The following IFT80 variants were observed in gnomAD, a reference collection of about 807,000 sequenced individuals.
IFT80 encodes the protein intraflagellar transport 80, also known as intraflagellar transport protein 80 homolog.
Under a neutral mutation model 107.9 loss-of-function variants are expected in IFT80, and 79 were observed. The observed-to-expected ratio is 0.73, with a 90% CI of 0.61 to 0.88. The LOEUF (loss-of-function observed/expected upper bound fraction) is 0.88, where lower values mean the gene tolerates loss of function less well. Among genes scored for constraint, IFT80 ranks in the 40% least tolerant of loss-of-function variants. IFT80 has a pLI of 0.00. For missense variants in IFT80, 797 were observed against 914.2 expected, an observed-to-expected ratio of 0.87 and a Z score of 1.65; for synonymous variants, 299 against 300.9, an observed-to-expected ratio of 0.99 and a Z score of 0.07.
At chr3:160,269,125 A>G (rs923505962) in intron 18 of IFT80, among the ~76,000 whole-genome samples, 2 of 151,430 alleles carry the variant, frequency 1.3e-5, no homozygotes, top group Admixed American at 6.6e-5. Flanking sequence ...ACTACTCGGG[A>G]GGCTGAGGCG....
intron 6 of IFT80, 38 bp downstream of exon 6, chr3:160,366,004 GC>G: frequency 6.7e-7 from 1 of 1,497,982 alleles, no homozygotes. Context: ...TAGCAGTCAG[GC>G]AGACCCTGAT....
chr3:160,303,045 T>G (rs1716557089), intron 11 of IFT80, among the ~76,000 whole-genome samples: 1 of 152,142 alleles, frequency 6.6e-6, no homozygotes, highest in Non-Finnish European at 1.5e-5. Flanking sequence ...ACCAGTACCA[T>G]TCTTCTTCTG....
intron 12 of IFT80, among the ~76,000 whole-genome samples, chr3:160,293,195 T>A (rs1030768503): frequency 6.6e-6 from 1 of 152,174 alleles, no homozygotes; most frequent in Non-Finnish European, 1.5e-5. Flanking sequence ...AGCTGATACA[T>A]GAAAAGATGA....
chr3:160,338,503 G>A (rs890995890), intron 8 of IFT80, among the ~76,000 whole-genome samples: 2 of 152,094 alleles, frequency 1.3e-5, no homozygotes, highest in African/African-American at 4.8e-5. Context: ...TTGGTGGTAT[G>A]TGCCTGTATT....
chr3:160,319,809 C>A lies in IFT80; in HGVS notation c.908G>T (p.Trp303Leu). The A allele has an allele frequency of 6.2e-7, 1 of 1,613,022 alleles. No homozygotes were observed. Among genetic ancestry groups the A allele is most frequent in the Non-Finnish European group, 8.5e-7 (1 of 1,179,260 alleles). The change falls in exon 9 of 20, where the codon TGG becomes TTG. Residue 303 changes from tryptophan to leucine, a missense_variant. Transcript: ENST00000326448. ...TGTTACTTGAAAATTTTTCCACTCC[C>A]AATGTTGTTCCACCACATGTGCAAA... ...VVFAHVVEQH[W>L]EWKNFQVTLT...
At chr3:160,282,986 A>T (rs1714805068) in intron 13 of IFT80, among the ~76,000 whole-genome samples, 1 of 152,224 alleles carries the variant, frequency 6.6e-6, no homozygotes, top group Non-Finnish European at 1.5e-5. Flanking sequence ...GTTGCCTAAC[A>T]ACTATATCTT....
Position 160,375,802 on chromosome 3 carries a change from T to A in IFT80, c.439+10A>T. 2.5e-6 allele frequency: 4 copies of A among 1,602,838 alleles called. No individual in the cohort carries two copies. Among genetic ancestry groups the A allele is most frequent in the Admixed American group, 1.7e-5 (1 of 59,752 alleles). ...TTTGCAAAAATGAAATTGTCAATTGTAAAACATACCTTGCTGAGCTAAAGT... is the reference window on the plus strand; with the variant it reads ...TTTGCAAAAATGAAATTGTCAATTGAAAAACATACCTTGCTGAGCTAAAGT... On this transcript the variant is annotated intron_variant, in intron 5 of 19. Transcript: ENST00000326448.
intron 12 of IFT80, among the ~76,000 whole-genome samples, chr3:160,286,543 A>G (rs1715107751): frequency 6.6e-6 from 1 of 152,210 alleles, no homozygotes; most frequent in South Asian, 2.1e-4. Flanking sequence ...GTGTGTTGAC[A>G]GCTTTCTGTA....
intron 1 of IFT80, among the ~76,000 whole-genome samples, chr3:160,390,958 A>G (rs1422228682): frequency 6.6e-6 from 1 of 152,216 alleles, no homozygotes; most frequent in Admixed American, 6.5e-5. Context: ...TCAGTATGCC[A>G]TATCAGTTTA....
chr3:160,335,370 C>G (rs150192302), intron 8 of IFT80, among the ~76,000 whole-genome samples: 1 of 151,828 alleles, frequency 6.6e-6, no homozygotes, highest in African/African-American at 2.4e-5. Context: ...TACAGGCACC[C>G]GTCAGCACAC....
At chr3:160,297,953 T>C (rs951371368) in intron 12 of IFT80, among the ~76,000 whole-genome samples, 1 of 152,116 alleles carries the variant, frequency 6.6e-6, no homozygotes, top group African/African-American at 2.4e-5. Context: ...GTTGAAATAG[T>C]TGCTTCGAAA....
intron 8 of IFT80, among the ~76,000 whole-genome samples, chr3:160,335,971 G>A (rs1719434549): frequency 6.6e-6 from 1 of 152,094 alleles, no homozygotes; most frequent in Admixed American, 6.5e-5. Context: ...CATCCATGTT[G>A]TAGCATGTAT....
intron 8 of IFT80, chr3:160,343,715 A>G: frequency 3.8e-6 from 1 of 264,110 alleles, no homozygotes; most frequent in South Asian, 3.5e-5. Context: ...TCATTTAAAA[A>G]ATGCCATCTC....
At chr3:160,346,360 C>T (rs987151802) in intron 8 of IFT80, among the ~76,000 whole-genome samples, 1 of 151,992 alleles carries the variant, frequency 6.6e-6, no homozygotes, top group African/African-American at 2.4e-5. Context: ...TTACCTGTAC[C>T]TCATAAGTAT....
At chr3:160,380,779 A>G (rs1204117601) in intron 3 of IFT80, among the ~76,000 whole-genome samples, 2 of 152,230 alleles carry the variant, frequency 1.3e-5, no homozygotes, top group Non-Finnish European at 2.9e-5. Context: ...TCAACTCTGT[A>G]ACTGAAAATT....
intron 16 of IFT80, among the ~76,000 whole-genome samples, chr3:160,278,769 GT>G (rs1348078775): frequency 6.6e-6 from 1 of 152,204 alleles, no homozygotes; most frequent in Non-Finnish European, 1.5e-5. Context: ...GGTCAAACAT[GT>G]TTGAAAAATA....
intron 7 of IFT80, 139 bp downstream of exon 7, chr3:160,357,350 T>A: frequency 3.4e-6 from 2 of 583,868 alleles, no homozygotes; most frequent in South Asian, 4.4e-5. Flanking sequence ...AAAATACCAC[T>A]TAACATTATA....
chr3:160,293,266 A>G (rs1393873247), intron 12 of IFT80, among the ~76,000 whole-genome samples: 27 of 152,192 alleles, frequency 1.8e-4, no homozygotes, highest in Admixed American at 1.8e-3. Context: ...GGAATCCTAT[A>G]AACCTCAGAG....
chr3:160,380,749 C>T (rs1873076), intron 3 of IFT80, among the ~76,000 whole-genome samples: 32,156 of 151,770 alleles, frequency 0.21, 3,743 homozygotes, highest in Non-Finnish European at 0.26. Flanking sequence ...AAGAAAGCTG[C>T]GGTCAAATTA....
Sources: gnomAD v4.1 joint callset for allele counts (sites outside exome capture counted in the v4.1 genomes callset) on GRCh38, gnomAD v4.1.1 for gene constraint, MANE v1.5 for transcripts, NCBI Gene and HGNC (gene_info 2026-07-23, HGNC 2026-07-21) for gene names.